GUCY1A2: variants seen among roughly 807,000 people sequenced by gnomAD.
GUCY1A2 encodes guanylate cyclase 1 soluble subunit alpha 2.
In GUCY1A2, 27 loss-of-function variants were observed where a neutral mutation model predicts 63.5. The ratio of observed to expected loss-of-function variants is 0.43; its 90% CI spans 0.31 to 0.59. The LOEUF is 0.59. GUCY1A2 is among the 20% of genes least tolerant of loss of function. The probability of loss-of-function intolerance (pLI) is 0.11; values close to 1 mark genes in which losing one functional copy is unlikely to be tolerated. For missense variants in GUCY1A2, 768 were observed against 913.3 expected, an observed-to-expected ratio of 0.84 and a Z score of 2.05; for synonymous variants, 364 against 343.5, an observed-to-expected ratio of 1.06 and a Z score of -0.66.
chr11:106,769,536 C>A (rs918605953), intron 6 of GUCY1A2, among the ~76,000 whole-genome samples: 2 of 152,068 alleles, frequency 1.3e-5, no homozygotes, highest in Admixed American at 6.6e-5. Context: ...AATATTAATA[C>A]TTTAAATAAA....
chr11:106,848,186 T>C (rs1300225041), intron 4 of GUCY1A2, among the ~76,000 whole-genome samples: 3 of 151,550 alleles, frequency 2.0e-5, no homozygotes, highest in African/African-American at 7.2e-5. Context: ...TGTTCAATTT[T>C]TATTTTTGCA....
chr11:106,985,092 T>C (rs188725638), intron 2 of GUCY1A2, among the ~76,000 whole-genome samples: 329 of 152,292 alleles, frequency 2.2e-3, no homozygotes, highest in African/African-American at 7.3e-3. Flanking sequence ...CACTATACCG[T>C]AATAATCAAA....
At chr11:106,911,996 T>C (rs1860301997) in intron 4 of GUCY1A2, among the ~76,000 whole-genome samples, 1 of 152,064 alleles carries the variant, frequency 6.6e-6, no homozygotes, top group South Asian at 2.1e-4. Context: ...TGTTTATTGC[T>C]AATAATTAGT....
intron 1 of GUCY1A2, among the ~76,000 whole-genome samples, chr11:107,004,152 C>T (rs1861643061): frequency 1.3e-5 from 2 of 152,126 alleles, no homozygotes; most frequent in Admixed American, 1.3e-4. Flanking sequence ...ATGAGTCCTT[C>T]ATTACTAAAG....
At chr11:106,965,873 G>A (rs1298887505) in intron 3 of GUCY1A2, among the ~76,000 whole-genome samples, 1 of 151,268 alleles carries the variant, frequency 6.6e-6, no homozygotes, top group Non-Finnish European at 1.5e-5. Context: ...AGACATCAGT[G>A]GAGAAACCAG....
intron 4 of GUCY1A2, among the ~76,000 whole-genome samples, chr11:106,889,345 C>T (rs558173495): frequency 1.0e-3 from 157 of 152,254 alleles, no homozygotes; most frequent in African/African-American, 3.7e-3. Flanking sequence ...ACAAATCAGA[C>T]AAAAGTCAAA....
chr11:106,884,888 G>T (rs1444091013), intron 4 of GUCY1A2, among the ~76,000 whole-genome samples: 1 of 152,020 alleles, frequency 6.6e-6, no homozygotes, highest in African/African-American at 2.4e-5. Flanking sequence ...TATTGCTTGG[G>T]TTTCTAAGTA....
At position 106,917,866 on chromosome 11, in the gene GUCY1A2, C is replaced by T. The variant is rs1313362441; in HGVS notation, c.1206+21594G>A. Among the ~76,000 whole-genome samples the T allele has an allele frequency of 1.4e-5, 2 of 138,576 alleles. 1 individual carries two copies. The highest frequency in any genetic ancestry group is 3.2e-5 in the Non-Finnish European group (2 of 62,312). The allele number at this position is 138,576 out of a possible 152,430, so 90.9% of individuals were successfully genotyped here. ...TTAAATGATGAGTTAATGGGTGTAGCGCACCAACAAGGCACATGTATACAT... is the reference window on the plus strand; with the variant it reads ...TTAAATGATGAGTTAATGGGTGTAGTGCACCAACAAGGCACATGTATACAT... On this transcript the variant is annotated intron_variant, in intron 4 of 7. Coordinates refer to ENST00000526355, the MANE Select transcript of GUCY1A2 (RefSeq NM_000855.3).
intron 4 of GUCY1A2, among the ~76,000 whole-genome samples, chr11:106,883,219 A>G (rs569346448): frequency 6.6e-6 from 1 of 152,134 alleles, no homozygotes; most frequent in African/African-American, 2.4e-5. Flanking sequence ...CTACATCCCA[A>G]CCTGAAAACC....
intron 1 of GUCY1A2, among the ~76,000 whole-genome samples, chr11:107,003,345 T>C (rs1239119011): frequency 6.6e-6 from 1 of 152,180 alleles, no homozygotes; most frequent in African/African-American, 2.4e-5. Flanking sequence ...CACTGGGTCC[T>C]TGCTCCCAGC....
chr11:106,793,170 GAC>G (rs895895180), intron 5 of GUCY1A2, among the ~76,000 whole-genome samples: 1 of 152,006 alleles, frequency 6.6e-6, no homozygotes. Context: ...CATATAAACA[GAC>G]ACATACACCA....
At chr11:106,850,524 C>T (rs1428582561) in intron 4 of GUCY1A2, among the ~76,000 whole-genome samples, 1 of 151,758 alleles carries the variant, frequency 6.6e-6, no homozygotes, top group Non-Finnish European at 1.5e-5. Context: ...TCTTCCCAAC[C>T]TCACCCACAA....
chr11:106,834,860 G>A (rs1859096879), intron 4 of GUCY1A2, among the ~76,000 whole-genome samples: 1 of 151,952 alleles, frequency 6.6e-6, no homozygotes, highest in Non-Finnish European at 1.5e-5. Flanking sequence ...CTGAAAATGA[G>A]ATTCTTGGAT....
intron 6 of GUCY1A2, among the ~76,000 whole-genome samples, chr11:106,731,525 G>A (rs1212701070): frequency 6.6e-6 from 1 of 151,978 alleles, no homozygotes; most frequent in Non-Finnish European, 1.5e-5. Flanking sequence ...AGTACTAGAA[G>A]TCCTGGCCAG....
At chr11:106,807,304 G>A (rs1565296255) in intron 5 of GUCY1A2, among the ~76,000 whole-genome samples, 1 of 152,096 alleles carries the variant, frequency 6.6e-6, no homozygotes, top group Admixed American at 6.6e-5. Context: ...ATAGCACTGT[G>A]TGTATTTTCT....
intron 4 of GUCY1A2, among the ~76,000 whole-genome samples, chr11:106,873,549 T>C (rs1859709276): frequency 6.6e-6 from 1 of 152,236 alleles, no homozygotes; most frequent in Non-Finnish European, 1.5e-5. Flanking sequence ...ATATGTTTCT[T>C]GGCCACGTAC....
chr11:106,728,948 G>A (rs1863453810), intron 6 of GUCY1A2, among the ~76,000 whole-genome samples: 1 of 152,062 alleles, frequency 6.6e-6, no homozygotes, highest in Non-Finnish European at 1.5e-5. Context: ...AAGTATGATT[G>A]CCAAGGAGAA....
At position 106,810,378 on chromosome 11, in the gene GUCY1A2, C is replaced by T. The variant is rs765520349; in HGVS notation, c.1307G>A (p.Arg436Gln). Reference protein sequence around the residue: ...CVDKLDELMGRGLHLSDIPIH... With the variant: ...CVDKLDELMGQGLHLSDIPIH... ...AGGGATGTCTGAGAGATGTAGCCCT[C>T]GGCCCATGAGTTCATCCAACTTGTC... The change falls in exon 5 of 8, where the codon CGA (arginine) becomes CAA (glutamine). Residue 436 changes from arginine (R) to glutamine (Q), a missense_variant. Arg to Gln is a conservative substitution (Grantham distance 43, BLOSUM62 1). This residue lies in a region of GUCY1A2 where 122 missense variants were observed against 238.1 expected (regional missense o/e 0.51). Transcript: ENST00000526355. 18 of 1,613,662 alleles carry T rather than the reference C, an allele frequency of 1.1e-5. No individual in the cohort carries two copies. Among genetic ancestry groups the T allele is most frequent in the African/African-American group, 2.7e-5 (2 of 74,882 alleles).
chr11:106,965,575 C>G (rs528846752), intron 3 of GUCY1A2, among the ~76,000 whole-genome samples: 1 of 152,330 alleles, frequency 6.6e-6, no homozygotes, highest in Non-Finnish European at 1.5e-5. Context: ...TGGTCACACT[C>G]AAGCAGCTTT....
Sources: gnomAD v4.1 joint callset for allele counts (sites outside exome capture counted in the v4.1 genomes callset) on GRCh38, gnomAD v4.1.1 for gene constraint, gnomAD v4.1.1 regional missense constraint, MANE v1.5 for transcripts, NCBI Gene and HGNC (gene_info 2026-07-23, HGNC 2026-07-21) for gene names.